The following SLC12A9 variants were observed in gnomAD, a reference collection of about 807,000 sequenced individuals.
SLC12A9 encodes the protein solute carrier family 12 member 9, also known as CCC-interacting protein 1.
SLC12A9 carries 55 observed loss-of-function variants against 66.0 expected under a neutral mutation model. That is an observed-to-expected ratio of 0.83 (90% CI 0.67 to 1.04). The LOEUF is 1.04. Among genes scored for constraint, SLC12A9 ranks in the 50% least tolerant of loss-of-function variants. SLC12A9 has a pLI of 0.00. For missense variants in SLC12A9, 1,061 were observed against 1,241.9 expected (o/e 0.85, Z 2.19); for synonymous variants, 577 against 569.0 (o/e 1.01, Z -0.20).
exon 1 of SLC12A9, chr7:100,827,026 T>C (rs1226681210): frequency 1.3e-6 from 2 of 1,582,476 alleles, no homozygotes; most frequent in East Asian, 4.7e-5. Context: ...CACCCGGAGC[T>C]CCATGGCGCC....
At chr7:100,857,934 C>T (rs1261831004) in intron 5 of SLC12A9, 1 of 150,010 alleles carries the variant, frequency 6.7e-6, no homozygotes, top group Non-Finnish European at 1.5e-5. Flanking sequence ...AACAAACAAA[C>T]AAAAAAAACA....
intron 1 of SLC12A9, among the ~76,000 whole-genome samples, chr7:100,834,901 C>A (rs970011311): frequency 6.6e-6 from 1 of 152,096 alleles, no homozygotes; most frequent in Non-Finnish European, 1.5e-5. Context: ...CACAGTGGCT[C>A]ACGCCTGTAA....
chr7:100,855,999 C>T (rs531302050), intron 4 of SLC12A9, 162 bp downstream of exon 4: 4 of 1,116,310 alleles, frequency 3.6e-6, no homozygotes, highest in Admixed American at 3.3e-5. Flanking sequence ...GAGATATGGA[C>T]ATCCCTGAGA....
chr7:100,841,738 A>G (rs1416758223), intron 1 of SLC12A9, among the ~76,000 whole-genome samples: 2 of 152,214 alleles, frequency 1.3e-5, no homozygotes, highest in Non-Finnish European at 2.9e-5. Context: ...AATTTAGCTT[A>G]TCTGGTATGA....
At chr7:100,840,383 A>G (rs900441779) in intron 1 of SLC12A9, among the ~76,000 whole-genome samples, 3 of 152,216 alleles carry the variant, frequency 2.0e-5, no homozygotes, top group Non-Finnish European at 2.9e-5. Context: ...TAGGTTGGCC[A>G]TTAGAAAAAA....
intron 1 of SLC12A9, among the ~76,000 whole-genome samples, chr7:100,833,297 C>T (rs1361409215): frequency 1.3e-5 from 2 of 148,690 alleles, no homozygotes; most frequent in Non-Finnish European, 3.0e-5. Context: ...CTGCCTGGCC[C>T]GTCTCTACTA....
chr7:100,860,228 T>G lies in SLC12A9; in HGVS notation c.1214T>G (p.Val405Gly). 1.2e-6 allele frequency: 2 copies of G among 1,613,982 alleles called. No homozygotes were observed. Among genetic ancestry groups the G allele is most frequent in the Non-Finnish European group, 1.7e-6 (2 of 1,179,892 alleles). ...WAAVLYSWGL[V>G]QLVLLAGKLN... ...GCTGTACTTTATTCTTGGGGCCTGG[T>G]GCAGGTGAGCCTTCTTCTTCAAGGG... Residue 405 changes from valine to glycine, a missense_variant, in exon 9 of 14, where the codon GTG becomes GGG. Transcript: ENST00000354161.
chr7:100,863,884 A>G (rs915284874), intron 13 of SLC12A9, among the ~76,000 whole-genome samples: 6 of 152,146 alleles, frequency 3.9e-5, no homozygotes, highest in African/African-American at 1.4e-4. Flanking sequence ...AGGGGGCATG[A>G]CTAGTTTATT....
At chr7:100,846,111 G>A (rs1813906396) in intron 1 of SLC12A9, among the ~76,000 whole-genome samples, 1 of 152,230 alleles carries the variant, frequency 6.6e-6, no homozygotes, top group Non-Finnish European at 1.5e-5. Context: ...ACTGGCACAT[G>A]TGCCTAGGCA....
intron 1 of SLC12A9, among the ~76,000 whole-genome samples, chr7:100,845,422 T>C (rs981830673): frequency 3.3e-5 from 5 of 151,982 alleles, no homozygotes; most frequent in African/African-American, 9.7e-5. Context: ...CAATCTCGGC[T>C]CACTGCAAAC....
At chr7:100,857,300 G>GCTCTGCAGTC in intron 5 of SLC12A9, 124 bp downstream of exon 5, 3 of 1,060,676 alleles carry the variant, frequency 2.8e-6, no homozygotes, top group Non-Finnish European at 4.1e-6. Context: ...GGTCTGGACT[G>GCTCTGCAGTC]CAGAGCAGTG....
chr7:100,847,006 G>T (rs1013626894), intron 1 of SLC12A9, among the ~76,000 whole-genome samples: 1 of 151,822 alleles, frequency 6.6e-6, no homozygotes, highest in Admixed American at 6.6e-5. Context: ...TTGCTCAATC[G>T]ATCAAGACCC....
chr7:100,860,239 C>T lies in SLC12A9; in HGVS notation c.1218+7C>T, dbSNP rs1284441232. The T allele has an allele frequency of 6.2e-7, 1 of 1,612,798 alleles. No individual in the cohort carries two copies. The highest frequency in any genetic ancestry group is 1.1e-5 in the South Asian group (1 of 90,860). ...TTCTTGGGGCCTGGTGCAGGTGAGC[C>T]TTCTTCTTCAAGGGGCCCTTTCCCT... On this transcript the variant is annotated splice_region_variant and intron_variant, in intron 9 of 13. Coordinates refer to ENST00000354161, the MANE Select transcript of SLC12A9 (RefSeq NM_020246.4).
In SLC12A9 at chr7:100,855,659, C is replaced by A. The variant is rs766447478; in HGVS notation, c.317-47C>A. 1.1e-5 allele frequency: 18 copies of A among 1,612,404 alleles called. No individual in the cohort carries two copies. The South Asian group carries it at 2.0e-4, about 18-fold the overall frequency. On this transcript the variant is annotated intron_variant, in intron 3 of 13. Transcript: ENST00000354161. ...TGGAGCTATGGCAACTTCCTCACGT[C>A]CATTTCAGTCTTTTCCCTTAATGCT...
In SLC12A9 at chr7:100,859,926, G is replaced by T; in HGVS notation, c.1019G>T (p.Ser340Ile). ...QEDYGFFRAI[S>I]LWPPLVLIGI... Reference sequence around the variant, plus strand: ...GACTATGGGTTCTTCCGCGCCATCAGCCTGTGGCCCCCACTGGTGTTGATC... The same window carrying T: ...GACTATGGGTTCTTCCGCGCCATCATCCTGTGGCCCCCACTGGTGTTGATC... Residue 340 changes from serine (S) to isoleucine (I), a missense_variant, in exon 8 of 14, where the codon AGC becomes ATC. Transcript: ENST00000354161. The T allele has an allele frequency of 6.2e-7, 1 of 1,609,696 alleles. No individual in the cohort carries two copies. The highest frequency in any genetic ancestry group is 1.3e-5 in the African/African-American group (1 of 74,946).
intron 9 of SLC12A9, 88 bp downstream of exon 9, chr7:100,860,320 G>A: frequency 7.2e-7 from 1 of 1,391,838 alleles, no homozygotes; most frequent in South Asian, 1.2e-5. Context: ...GGAGACAAAT[G>A]TAAAGACAAA....
At chr7:100,859,520 A>G in intron 7 of SLC12A9, 1 of 369,194 alleles carries the variant, frequency 2.7e-6, no homozygotes, top group South Asian at 3.0e-5. Context: ...GTTCCAGACC[A>G]GCCTGGGCAA....
At chr7:100,836,481 C>A (rs1452539226) in intron 1 of SLC12A9, among the ~76,000 whole-genome samples, 1 of 152,124 alleles carries the variant, frequency 6.6e-6, no homozygotes, top group African/African-American at 2.4e-5. Context: ...AAAACCCACC[C>A]CCCGCTCCAT....
intron 4 of SLC12A9, chr7:100,856,640 A>C (rs1469222715): frequency 6.0e-6 from 3 of 501,534 alleles, no homozygotes; most frequent in Admixed American, 6.7e-5. Flanking sequence ...TCAGCCTCCC[A>C]GTAGCTGGAC....
Sources: allele counts gnomAD v4.1 joint callset (sites outside exome capture counted in the v4.1 genomes callset), GRCh38; gene constraint gnomAD v4.1.1; transcripts MANE v1.5; gene names NCBI Gene and HGNC (gene_info 2026-07-23, HGNC 2026-07-21).